PLCB4: variants seen among roughly 807,000 people sequenced by gnomAD.
PLCB4 encodes the protein 1-phosphatidylinositol 4,5-bisphosphate phosphodiesterase beta-4.
Under a neutral mutation model 178.8 loss-of-function variants are expected in PLCB4, and 77 were observed. That is an observed-to-expected ratio of 0.43 (90% CI 0.36 to 0.52). The LOEUF is 0.52. Among genes scored for constraint, PLCB4 ranks in the 20% least tolerant of loss-of-function variants. PLCB4 has a pLI of 0.00. For synonymous variants in PLCB4, 496 were observed against 490.8 expected, an observed-to-expected ratio of 1.01 and a Z score of -0.14; for missense variants, 1,024 against 1,453.4, an observed-to-expected ratio of 0.70 and a Z score of 4.80.
intron 1 of PLCB4, among the ~76,000 whole-genome samples, chr20:9,092,789 G>A (rs985745083): frequency 1.3e-5 from 2 of 152,126 alleles, no homozygotes; most frequent in African/African-American, 4.8e-5. Flanking sequence ...GCACCACTCA[G>A]GAGCTATTTC....
intron 7 of PLCB4, among the ~76,000 whole-genome samples, 160 bp from the exon 8 acceptor site, chr20:9,362,736 A>T (rs910333524): frequency 5.3e-5 from 8 of 152,238 alleles, no homozygotes; most frequent in Admixed American, 2.0e-4. Flanking sequence ...AAAGAATAAA[A>T]TATGAGCCTG....
chr20:9,361,980 C>T (rs945721537), intron 7 of PLCB4, among the ~76,000 whole-genome samples: 5 of 152,024 alleles, frequency 3.3e-5, no homozygotes, highest in Admixed American at 1.3e-4. Context: ...ATAGAGTATA[C>T]GTCTATATTA....
chr20:9,240,188 A>G lies in PLCB4; in HGVS notation c.-16+22736A>G, dbSNP rs140750187. ...AACTGGGGTGAACTCAGCAAGGCCT[A>G]TTTGTTCAGATTCTTCTTGGTGTCT... On this transcript the variant is annotated intron_variant, in intron 3 of 39. Transcript: ENST00000378473. Among the ~76,000 whole-genome samples the G allele has an allele frequency of 4.0e-3, 611 of 152,208 alleles. 4 individuals are homozygous for G. Among genetic ancestry groups the G allele is most frequent in the African/African-American group, 0.014 (593 of 41,538 alleles).
Position 9,372,388 on chromosome 20 carries a change from A to G in PLCB4, c.671A>G (p.Asp224Gly). The G allele has an allele frequency of 6.4e-7, 1 of 1,563,642 alleles. No individual in the cohort carries two copies. The highest frequency in any genetic ancestry group is 1.1e-5 in the South Asian group (1 of 87,968). ...ATTTGTCCTCGGACAGATATAGAAG[A>G]TCTTTTCAAAAAAATGTAAGTTCCA... ...QKICPRTDIE[D>G]LFKKINGDKT... The change falls in exon 11 of 40, where the codon GAT (aspartate) becomes GGT (glycine). Residue 224 changes from aspartate to glycine, a missense_variant. By Grantham distance (94) the Asp-to-Gly change is moderately conservative (BLOSUM62 -1). Transcript: ENST00000378473.
chr20:9,174,215 T>C (rs1371414397), intron 2 of PLCB4, among the ~76,000 whole-genome samples: 2 of 152,258 alleles, frequency 1.3e-5, no homozygotes, highest in South Asian at 4.1e-4. Flanking sequence ...CATGGCTCAC[T>C]TCAGCCTCCA....
intron 18 of PLCB4, 46 bp from the exon 19 acceptor site, chr20:9,395,477 G>GT (rs2038501958): frequency 7.6e-7 from 1 of 1,320,628 alleles, no homozygotes; most frequent in African/African-American, 1.5e-5. Flanking sequence ...GGGTTTGTAT[G>GT]TTACCTAGCA....
chr20:9,271,899 G>C (rs1299865851), intron 3 of PLCB4, among the ~76,000 whole-genome samples: 2 of 151,970 alleles, frequency 1.3e-5, no homozygotes, highest in Non-Finnish European at 2.9e-5. Context: ...TCATGGGGCT[G>C]GGTGTGGGGG....
rs142487790 is a variant in PLCB4, at chr20:9,375,416, A to T, written c.744+2312A>T. 3.2e-3 allele frequency among the ~76,000 whole-genome samples: 481 copies of T among 152,282 alleles called. 4 individuals carry two copies. Among genetic ancestry groups the T allele is most frequent in the African/African-American group, 0.011 (457 of 41,552 alleles). ...AAAATGCCTTAGCCACATAGTCTCA[A>T]CAAGCCAGTATTCAACACTGCATTG... On this transcript the variant is annotated intron_variant, in intron 12 of 39. Transcript: ENST00000378473.
intron 3 of PLCB4, among the ~76,000 whole-genome samples, chr20:9,266,864 A>T (rs2094354571): frequency 6.6e-6 from 1 of 152,166 alleles, no homozygotes; most frequent in South Asian, 2.1e-4. Context: ...GTTACAAATT[A>T]TAAATTAAGT....
At chr20:9,176,700 A>G (rs898266640) in intron 2 of PLCB4, among the ~76,000 whole-genome samples, 3 of 152,342 alleles carry the variant, frequency 2.0e-5, no homozygotes, top group East Asian at 3.9e-4. Flanking sequence ...ACCCATGAGC[A>G]TATACACAAA....
intron 3 of PLCB4, among the ~76,000 whole-genome samples, chr20:9,304,672 A>G (rs2094744663): frequency 6.6e-6 from 1 of 151,916 alleles, no homozygotes; most frequent in South Asian, 2.1e-4. Flanking sequence ...TACTTTGTCA[A>G]TTTTCAAATG....
chr20:9,260,999 A>G (rs1037177744), intron 3 of PLCB4, among the ~76,000 whole-genome samples: 6 of 152,158 alleles, frequency 3.9e-5, no homozygotes, highest in African/African-American at 1.4e-4. Flanking sequence ...ATATTAGTCC[A>G]AGAGGCAAGT....
rs2044782406 is a variant in PLCB4 at position 9,479,894 on chromosome 20, T to C, written c.*885T>C. ...TGTTTGCATGATACACAAGCACCAA[T>C]AAAGACTAATCCATACACAGTTAAC... On this transcript the variant is annotated 3_prime_UTR_variant, in exon 40 of 40. Coordinates refer to ENST00000378473, the MANE Select transcript of PLCB4 (RefSeq NM_001377142.1). 6.6e-6 allele frequency: 1 copy of C among 152,434 alleles called. No homozygotes were observed. Among genetic ancestry groups the C allele is most frequent in the South Asian group, 2.1e-4 (1 of 4,832 alleles). 9.4% of individuals were successfully genotyped at this position (152,434 alleles called of 1,614,324 possible). A position where few individuals can be genotyped will look rare whatever the true frequency, so the allele number is the denominator to read the frequency against.
At chr20:9,124,898 G>A (rs896132698) in intron 2 of PLCB4, among the ~76,000 whole-genome samples, 1 of 152,076 alleles carries the variant, frequency 6.6e-6, no homozygotes, top group African/African-American at 2.4e-5. Flanking sequence ...CTCCTGTATT[G>A]TATTTTAAAA....
At chr20:9,092,322 G>A (rs1484986280) in intron 1 of PLCB4, among the ~76,000 whole-genome samples, 1 of 152,060 alleles carries the variant, frequency 6.6e-6, no homozygotes, top group Non-Finnish European at 1.5e-5. Flanking sequence ...TGGTCCTTAG[G>A]AAAGCACAGT....
At chr20:9,312,416 G>A (rs909773) in intron 4 of PLCB4, among the ~76,000 whole-genome samples, 52,238 of 149,650 alleles carry the variant, frequency 0.35, 13,742 homozygotes, top group African/African-American at 0.74. Context: ...TCACACACAC[G>A]TGGTGGAGGA....
At chr20:9,450,540 A>G (rs928195173) in intron 32 of PLCB4, among the ~76,000 whole-genome samples, 1 of 152,132 alleles carries the variant, frequency 6.6e-6, no homozygotes, top group Admixed American at 6.6e-5. Flanking sequence ...CTTTAATTCA[A>G]TATGCTTTCA....
chr20:9,312,807 A>C (rs1601777753), intron 4 of PLCB4, among the ~76,000 whole-genome samples: 1 of 152,342 alleles, frequency 6.6e-6, no homozygotes, highest in East Asian at 1.9e-4. Context: ...AAGTGAAGTA[A>C]GTTTTGTCAA....
At chr20:9,408,767 C>A in intron 23 of PLCB4, 50 bp downstream of exon 23, 1 of 958,006 alleles carries the variant, frequency 1.0e-6, no homozygotes, top group Non-Finnish European at 1.7e-6. Context: ...GTTGGTTTGG[C>A]AAGAGCCTCT....
Sources: allele counts gnomAD v4.1 joint callset (sites outside exome capture counted in the v4.1 genomes callset), GRCh38; gene constraint gnomAD v4.1.1; transcripts MANE v1.5; gene names NCBI Gene and HGNC (gene_info 2026-07-23, HGNC 2026-07-21).